Variants in PDE1C observed in about 807,000 individuals in gnomAD.
PDE1C encodes the protein dual specificity calcium/calmodulin-dependent 3',5'-cyclic nucleotide phosphodiesterase 1C.
Under a neutral mutation model 93.1 loss-of-function variants are expected in PDE1C, and 62 were observed. The observed-to-expected ratio is 0.67, with a 90% CI of 0.54 to 0.82. PDE1C has a LOEUF of 0.82. PDE1C is among the 40% of genes least tolerant of loss of function. PDE1C has a pLI of 0.00. For missense variants in PDE1C, 742 were observed against 884.6 expected (o/e 0.84, Z 2.04); for synonymous variants, 325 against 310.1 (o/e 1.05, Z -0.50).
At chr7:32,419,289 C>T (rs550450617) in intron 1 of PDE1C, among the ~76,000 whole-genome samples, 1 of 152,220 alleles carries the variant, frequency 6.6e-6, no homozygotes, top group South Asian at 2.1e-4. Context: ...TAACAATTTC[C>T]TAGTATCCTC....
intron 1 of PDE1C, among the ~76,000 whole-genome samples, chr7:32,378,267 A>G (rs2128089522): frequency 6.6e-6 from 1 of 152,256 alleles, no homozygotes; most frequent in Non-Finnish European, 1.5e-5. Context: ...AGCCAGAAAG[A>G]TTCTTCTCAA....
chr7:31,843,356 A>G (rs549133942), intron 9 of PDE1C, among the ~76,000 whole-genome samples: 1 of 151,946 alleles, frequency 6.6e-6, no homozygotes, highest in East Asian at 1.9e-4. Flanking sequence ...ATCAATTTTT[A>G]CATTTTATGT....
At chr7:31,652,892 A>C in the PDE1C span, 18 of 1,553,788 alleles carry the variant, frequency 1.2e-5, no homozygotes, top group South Asian at 1.7e-4. Context: ...GTAGCAAGGA[A>C]ATTTCAATTT....
intron 2 of PDE1C, among the ~76,000 whole-genome samples, chr7:32,201,717 A>C (rs1805025663): frequency 6.6e-6 from 1 of 152,260 alleles, no homozygotes; most frequent in African/African-American, 2.4e-5. Flanking sequence ...GGCCAGGAGC[A>C]GCATGGGCAA....
chr7:32,005,106 T>C (rs901779745), intron 2 of PDE1C, among the ~76,000 whole-genome samples: 3 of 152,180 alleles, frequency 2.0e-5, no homozygotes, highest in African/African-American at 7.2e-5. Flanking sequence ...TTATTGGTTA[T>C]AGAGCACCTT....
chr7:31,803,833 T>C (rs1461182280), intron 16 of PDE1C, among the ~76,000 whole-genome samples: 1 of 152,038 alleles, frequency 6.6e-6, no homozygotes, highest in African/African-American at 2.4e-5. Flanking sequence ...GTCTTTGCTA[T>C]TGTGAATAGT....
chr7:31,811,515 G>C (rs1787546099), intron 15 of PDE1C, among the ~76,000 whole-genome samples: 2 of 152,070 alleles, frequency 1.3e-5, no homozygotes. Flanking sequence ...CCACAAAACA[G>C]TCCAAATACT....
chr7:32,117,009 C>T (rs1799020762), intron 3 of PDE1C, among the ~76,000 whole-genome samples: 1 of 152,174 alleles, frequency 6.6e-6, no homozygotes, highest in Non-Finnish European at 1.5e-5. Flanking sequence ...CAAGTTATTG[C>T]TCAACTACAC....
Position 32,269,774 on chromosome 7 carries a change from G to A in PDE1C, c.85+28877C>T, listed in dbSNP as rs148381415. On this transcript the variant is annotated intron_variant, in intron 1 of 18. Coordinates refer to the PDE1C transcript ENST00000396193. ...ATTACAGGCATGAGCCACCGTGCCCGGCCTGTTTGTTTTTTAAGAGACAGC... is the reference window on the plus strand; with the variant it reads ...ATTACAGGCATGAGCCACCGTGCCCAGCCTGTTTGTTTTTTAAGAGACAGC... 8.4e-4 allele frequency among the ~76,000 whole-genome samples: 128 copies of A among 151,482 alleles called. 2 individuals carry two copies. In the East Asian group the frequency reaches 0.017, roughly 20 times the overall value.
intron 1 of PDE1C, among the ~76,000 whole-genome samples, chr7:32,426,061 A>G (rs772554222): frequency 9.2e-5 from 14 of 152,212 alleles, no homozygotes; most frequent in Admixed American, 3.3e-4. Context: ...ATATATATTA[A>G]TGAGTTTCAC....
intron 2 of PDE1C, among the ~76,000 whole-genome samples, chr7:31,948,054 A>G (rs1020925785): frequency 6.6e-6 from 1 of 152,246 alleles, no homozygotes; most frequent in African/African-American, 2.4e-5. Context: ...AGGTCCTGTT[A>G]GATGGTGCTG....
intron 2 of PDE1C, among the ~76,000 whole-genome samples, chr7:32,004,344 G>A (rs769344645): frequency 6.6e-6 from 1 of 152,148 alleles, no homozygotes; most frequent in Non-Finnish European, 1.5e-5. Flanking sequence ...TACCTGAGGA[G>A]GAGTGAGCTA....
At chr7:32,397,134 A>C (rs1013401321) in intron 1 of PDE1C, among the ~76,000 whole-genome samples, 1 of 152,204 alleles carries the variant, frequency 6.6e-6, no homozygotes, top group Non-Finnish European at 1.5e-5. Context: ...AAATTTTACT[A>C]TACTGAAATA....
intron 3 of PDE1C, among the ~76,000 whole-genome samples, chr7:32,146,486 C>T (rs888459382): frequency 6.6e-6 from 1 of 152,130 alleles, no homozygotes. Context: ...GTGCCATCTT[C>T]AGATCTCTAT....
At chr7:31,881,435 A>C (rs1216626099) in intron 2 of PDE1C, among the ~76,000 whole-genome samples, 2 of 152,228 alleles carry the variant, frequency 1.3e-5, no homozygotes, top group African/African-American at 4.8e-5. Context: ...AGAAAATATG[A>C]GGATTGATTT....
At chr7:31,927,672 T>C (rs1803582420) in intron 2 of PDE1C, among the ~76,000 whole-genome samples, 1 of 152,068 alleles carries the variant, frequency 6.6e-6, no homozygotes, top group Non-Finnish European at 1.5e-5. Flanking sequence ...GGAGTGGACC[T>C]CCAGCAAACT....
intron 3 of PDE1C, among the ~76,000 whole-genome samples, chr7:32,139,934 G>A (rs1020482462): frequency 6.6e-6 from 1 of 152,132 alleles, no homozygotes; most frequent in African/African-American, 2.4e-5. Flanking sequence ...TCATGCTGAG[G>A]ATGACAGAGC....
chr7:32,300,247 A>G (rs964242466), upstream of PDE1C, among the ~76,000 whole-genome samples: 1 of 152,214 alleles, frequency 6.6e-6, no homozygotes, highest in African/African-American at 2.4e-5. Context: ...AAGAAATGGA[A>G]TTGTGTCAGA....
chr7:31,896,020 T>TACATACATACATACACACAC (rs1466998669), intron 2 of PDE1C, among the ~76,000 whole-genome samples: 60 of 151,386 alleles, frequency 4.0e-4, no homozygotes, highest in African/African-American at 1.4e-3. Context: ...CATACATACA[T>TACATACATACATACACACAC]ACACACACAA....
Sources: allele counts gnomAD v4.1 joint callset (sites outside exome capture counted in the v4.1 genomes callset), GRCh38; gene constraint gnomAD v4.1.1; transcripts MANE v1.5; gene names NCBI Gene and HGNC (gene_info 2026-07-23, HGNC 2026-07-21).